Variants in OPCML observed in about 807,000 individuals in gnomAD.
OPCML encodes the protein opioid-binding protein/cell adhesion molecule.
A neutral mutation model predicts 37.8 loss-of-function variants in OPCML; 13 were observed. The observed-to-expected ratio is 0.34, with a 90% CI of 0.22 to 0.55. The LOEUF is 0.55. OPCML is among the 20% of genes least tolerant of loss of function. The pLI is 0.91. For missense variants in OPCML, 341 were observed against 435.6 expected (o/e 0.78, Z 1.93); for synonymous variants, 176 against 168.8 (o/e 1.04, Z -0.33).
intron 1 of OPCML, among the ~76,000 whole-genome samples, chr11:133,232,363 A>G (rs1940317563): frequency 6.6e-6 from 1 of 152,256 alleles, no homozygotes; most frequent in Non-Finnish European, 1.5e-5. Flanking sequence ...CAAAGAGGTA[A>G]TAAAATCTCC....
chr11:132,674,422 T>C (rs963566206), intron 2 of OPCML, among the ~76,000 whole-genome samples: 1 of 152,206 alleles, frequency 6.6e-6, no homozygotes, highest in Non-Finnish European at 1.5e-5. Context: ...CTGAACTTTT[T>C]GGCAGGGTGA....
intron 1 of OPCML, among the ~76,000 whole-genome samples, chr11:133,045,663 A>C (rs1947996397): frequency 6.6e-6 from 1 of 152,138 alleles, no homozygotes; most frequent in South Asian, 2.1e-4. Flanking sequence ...CCCAATCAGG[A>C]GCATCACCTG....
At chr11:132,986,282 A>T (rs1054773937) in intron 1 of OPCML, among the ~76,000 whole-genome samples, 3 of 151,830 alleles carry the variant, frequency 2.0e-5, no homozygotes, top group Non-Finnish European at 4.4e-5. Context: ...AAATATCTCA[A>T]TTTTTTTTTA....
At chr11:133,001,629 A>G (rs1947005836) in intron 1 of OPCML, among the ~76,000 whole-genome samples, 1 of 152,230 alleles carries the variant, frequency 6.6e-6, no homozygotes, top group African/African-American at 2.4e-5. Flanking sequence ...AGAGGGACCA[A>G]TGAAGAATAA....
At chr11:133,155,616 G>A (rs768578384) in intron 1 of OPCML, among the ~76,000 whole-genome samples, 9 of 152,082 alleles carry the variant, frequency 5.9e-5, no homozygotes, top group Non-Finnish European at 1.3e-4. Flanking sequence ...ACTATGCCGA[G>A]CAGGCTACTA....
intron 2 of OPCML, among the ~76,000 whole-genome samples, chr11:132,905,513 G>A (rs57490461): frequency 0.26 from 39,313 of 151,886 alleles, 5,395 homozygotes; most frequent in Middle Eastern, 0.35. Flanking sequence ...GATTACAGGC[G>A]TGAGCCACCA....
chr11:133,521,574 T>C (rs1055365003), intron 1 of OPCML, among the ~76,000 whole-genome samples: 19 of 152,022 alleles, frequency 1.2e-4, no homozygotes, highest in African/African-American at 4.1e-4. Flanking sequence ...ACATGCAAAA[T>C]CCTGATAGTG....
chr11:132,967,887 A>C (rs1719626793), intron 1 of OPCML, among the ~76,000 whole-genome samples: 4 of 152,042 alleles, frequency 2.6e-5, no homozygotes, highest in African/African-American at 9.7e-5. Context: ...CATTTTTTTT[A>C]AATTAAGGAA....
chr11:132,480,393 T>C (rs1305375794), intron 4 of OPCML, among the ~76,000 whole-genome samples: 1 of 152,196 alleles, frequency 6.6e-6, no homozygotes, highest in Non-Finnish European at 1.5e-5. Context: ...CTACGTCTGA[T>C]TGGTGTACCT....
In OPCML at chr11:132,943,131, A is replaced by C. The variant is rs1453744929; in HGVS notation, c.62-121T>G. The C allele has an allele frequency of 3.1e-6, 5 of 1,613,584 alleles. No individual in the cohort carries two copies. Among genetic ancestry groups the C allele is most frequent in the Admixed American group, 1.7e-5 (1 of 60,010 alleles). On this transcript the variant is annotated intron_variant, in intron 1 of 7. Coordinates refer to ENST00000524381, the MANE Select transcript of OPCML (RefSeq NM_001012393.5). The surrounding 1 kb of genome is among the most constrained non-coding windows in gnomAD (Gnocchi z 4.3). ...AACTTCCCAGGACTCCGGCAGCCGC[A>C]CAGTCCTGGTCCCCCGCCCCGCGCA...
At chr11:133,460,183 T>C (rs1412818224) in intron 1 of OPCML, among the ~76,000 whole-genome samples, 2 of 151,856 alleles carry the variant, frequency 1.3e-5, no homozygotes, top group African/African-American at 2.4e-5. Context: ...AATCATGACA[T>C]ACCTGTCATA....
chr11:133,128,679 A>G (rs1949557242), intron 1 of OPCML, among the ~76,000 whole-genome samples: 1 of 152,108 alleles, frequency 6.6e-6, no homozygotes, highest in Admixed American at 6.5e-5. Flanking sequence ...TTGTCTACTG[A>G]CTGTGAACTC....
chr11:133,467,995 C>T (rs1947015174), intron 1 of OPCML, among the ~76,000 whole-genome samples: 1 of 152,128 alleles, frequency 6.6e-6, no homozygotes, highest in Admixed American at 6.5e-5. Context: ...TTTGTCACCT[C>T]TACAGTAGGG....
chr11:132,712,665 C>T (rs1471350515), intron 2 of OPCML, among the ~76,000 whole-genome samples: 1 of 152,178 alleles, frequency 6.6e-6, no homozygotes, highest in Non-Finnish European at 1.5e-5. Context: ...CGCTGACAAG[C>T]GTGGCCTTCC....
intron 1 of OPCML, among the ~76,000 whole-genome samples, chr11:133,405,868 C>G (rs1945514413): frequency 6.6e-6 from 1 of 152,172 alleles, no homozygotes. Flanking sequence ...TAAAGAGTTT[C>G]ATACTCAAAA....
chr11:132,793,970 G>A (rs867563525), intron 2 of OPCML, among the ~76,000 whole-genome samples: 2 of 152,328 alleles, frequency 1.3e-5, no homozygotes, highest in South Asian at 2.1e-4. Context: ...GGGTAAAGAC[G>A]GCTACTGCCC....
At chr11:132,683,136 C>A (rs149469035) in intron 2 of OPCML, among the ~76,000 whole-genome samples, 1 of 152,064 alleles carries the variant, frequency 6.6e-6, no homozygotes, top group Non-Finnish European at 1.5e-5. Context: ...AAAGCAAGAC[C>A]GAGTGTGGTG....
At chr11:132,970,883 T>C (rs1468418947) in intron 1 of OPCML, among the ~76,000 whole-genome samples, 2 of 152,216 alleles carry the variant, frequency 1.3e-5, no homozygotes, top group African/African-American at 2.4e-5. Context: ...ATTGATCTTT[T>C]CTTTGGCAAT....
intron 2 of OPCML, among the ~76,000 whole-genome samples, chr11:132,662,364 C>CT (rs1285921973): frequency 7.1e-6 from 1 of 140,396 alleles, no homozygotes; most frequent in African/African-American, 2.7e-5. Context: ...TTGGCTTTAA[C>CT]TTTTTTGTGT....
Sources: gnomAD v4.1 joint callset for allele counts (sites outside exome capture counted in the v4.1 genomes callset) on GRCh38, gnomAD v4.1.1 for gene constraint, Gnocchi (gnomAD v3.1) non-coding constraint, MANE v1.5 for transcripts, NCBI Gene and HGNC (gene_info 2026-07-23, HGNC 2026-07-21) for gene names.